The following CCDC178 variants were observed in gnomAD, a reference collection of about 807,000 sequenced individuals.
CCDC178 encodes coiled-coil domain containing 178.
In CCDC178, 126 loss-of-function variants were observed where a neutral mutation model predicts 117.4. That is an observed-to-expected ratio of 1.07 (90% confidence interval 0.93 to 1.24). CCDC178 has a LOEUF of 1.24. Among genes scored for constraint, CCDC178 ranks in the 50% most tolerant of loss-of-function variants. The probability of loss-of-function intolerance (pLI) is 0.00; values close to 1 mark genes in which losing one functional copy is unlikely to be tolerated. For missense variants in CCDC178, 1,030 were observed against 986.9 expected (o/e 1.04, Z -0.59); for synonymous variants, 283 against 313.4 (o/e 0.90, Z 1.02).
At chr18:33,094,510 A>G (rs1270662763) in intron 20 of CCDC178, among the ~76,000 whole-genome samples, 3 of 150,776 alleles carry the variant, frequency 2.0e-5, no homozygotes, top group African/African-American at 7.3e-5. Context: ...TCTAAGCACA[A>G]CTCTGATATC....
chr18:33,164,797 A>G (rs1247392351), intron 20 of CCDC178, among the ~76,000 whole-genome samples: 1 of 152,168 alleles, frequency 6.6e-6, no homozygotes, highest in Non-Finnish European at 1.5e-5. Flanking sequence ...ATTTTCAGAT[A>G]ATTGTGGATA....
In CCDC178 at chr18:33,415,466, C is replaced by G. The variant is rs535732925; in HGVS notation, c.-22-3356G>C. 3.9e-4 allele frequency among the ~76,000 whole-genome samples: 59 copies of G among 151,860 alleles called. 1 individual carries two copies. The highest frequency in any genetic ancestry group is 1.3e-3 in the African/African-American group (55 of 41,362). On this transcript the variant is annotated intron_variant, in intron 2 of 22. Transcript: ENST00000383096. The stretch of plus-strand genomic sequence containing the variant: ...TATCGCAAGGACAAAAAAACAAACA[C>G]CGCATGTTCTCACTCATAGGTGAGA...
At position 33,323,505 on chromosome 18, in the gene CCDC178, G is replaced by A; in HGVS notation, c.1008C>T (p.Thr336=). Residue 336 remains threonine (T), a synonymous_variant, in exon 11 of 23, where the codon ACC becomes ACT. Coordinates refer to ENST00000383096, the MANE Select transcript of CCDC178 (RefSeq NM_001105528.4). ...IDKDIYQDEK[T]IEAYKREIYQ... is the part of the protein sequence containing the mutation. ...AAAATTCTTACTTGTAGGCCTCTAT[G>A]GTTTTTTCATCCTGGTAAATATCCT... 1 of 1,519,730 alleles carries A rather than the reference G, an allele frequency of 6.6e-7. No individual in the cohort carries two copies. The highest frequency in any genetic ancestry group is 8.8e-7 in the Non-Finnish European group (1 of 1,136,380). 94.1% of individuals were successfully genotyped at this position (1,519,730 alleles called of 1,614,324 possible). A position where few individuals can be genotyped will look rare whatever the true frequency, so the allele number is the denominator to read the frequency against.
chr18:32,961,489 T>C (rs2054701916), intron 22 of CCDC178, among the ~76,000 whole-genome samples: 1 of 152,136 alleles, frequency 6.6e-6, no homozygotes, highest in Non-Finnish European at 1.5e-5. Context: ...TTTTGTAAAG[T>C]GTGTCACTTA....
At chr18:33,048,581 T>C (rs1336094262) in intron 21 of CCDC178, among the ~76,000 whole-genome samples, 1 of 152,180 alleles carries the variant, frequency 6.6e-6, no homozygotes, top group Admixed American at 6.5e-5. Flanking sequence ...AATTTACAGG[T>C]AGTTTTAGAC....
chr18:33,342,711 G>A (rs7243572), intron 9 of CCDC178, among the ~76,000 whole-genome samples: 11,089 of 152,150 alleles, frequency 0.073, 1,305 homozygotes, highest in African/African-American at 0.25. Context: ...TTGGATCTGC[G>A]GCCTGAAGAA....
At chr18:33,132,256 A>G (rs1291103432) in intron 20 of CCDC178, among the ~76,000 whole-genome samples, 2 of 151,768 alleles carry the variant, frequency 1.3e-5, no homozygotes, top group Non-Finnish European at 3.0e-5. Flanking sequence ...AGGTGAAATT[A>G]ATTCTCTGCA....
chr18:33,374,334 T>C (rs1253063291), intron 5 of CCDC178, among the ~76,000 whole-genome samples: 2 of 152,152 alleles, frequency 1.3e-5, no homozygotes, highest in African/African-American at 4.8e-5. Context: ...ACTTGGACTC[T>C]TCACAAAAGA....
intron 11 of CCDC178, among the ~76,000 whole-genome samples, chr18:33,303,091 A>G (rs1019562949): frequency 2.6e-5 from 4 of 152,244 alleles, no homozygotes; most frequent in African/African-American, 4.8e-5. Flanking sequence ...TGTATATATT[A>G]TGTGTATTAA....
chr18:32,985,326 C>A (rs1051012177), intron 21 of CCDC178, among the ~76,000 whole-genome samples: 1 of 151,846 alleles, frequency 6.6e-6, no homozygotes, highest in Non-Finnish European at 1.5e-5. Flanking sequence ...TCATGCAATG[C>A]GGGACAGCCT....
intron 20 of CCDC178, among the ~76,000 whole-genome samples, chr18:33,190,805 G>C (rs1278874100): frequency 6.6e-6 from 1 of 152,122 alleles, no homozygotes; most frequent in Non-Finnish European, 1.5e-5. Flanking sequence ...TGAAACATCA[G>C]CCAGAATCTT....
chr18:33,090,806 A>T lies in CCDC178; in HGVS notation c.2388+1955T>A, dbSNP rs138387313. ...AGGTGTGCTAAAAGTGATTCGTTTG[A>T]GGGATCACAAACATAAACCCAATCT... On this transcript the variant is annotated intron_variant, in intron 21 of 22. Coordinates refer to ENST00000383096, the MANE Select transcript of CCDC178 (RefSeq NM_001105528.4). Among the ~76,000 whole-genome samples the T allele has an allele frequency of 4.6e-5, 7 of 152,342 alleles. No individual in the cohort carries two copies. In the East Asian group the frequency reaches 1.4e-3, roughly 29 times the overall value.
At chr18:33,394,100 A>C (rs2063598747) in intron 4 of CCDC178, among the ~76,000 whole-genome samples, 1 of 152,012 alleles carries the variant, frequency 6.6e-6, no homozygotes, top group African/African-American at 2.4e-5. Context: ...ATTTCTTAGA[A>C]GTTTATAAAA....
chr18:33,187,754 T>C (rs139760419), intron 20 of CCDC178, among the ~76,000 whole-genome samples: 2 of 152,130 alleles, frequency 1.3e-5, no homozygotes, highest in South Asian at 2.1e-4. Context: ...CTTGAGCAGA[T>C]AGAAGAATCT....
chr18:32,960,295 A>G (rs1269800673), intron 22 of CCDC178, among the ~76,000 whole-genome samples: 2 of 152,126 alleles, frequency 1.3e-5, no homozygotes, highest in African/African-American at 4.8e-5. Context: ...GAATCAGAAA[A>G]CAGGTATCAT....
intron 14 of CCDC178, among the ~76,000 whole-genome samples, chr18:33,246,596 GGCTC>G (rs2059551956): frequency 6.6e-6 from 1 of 151,666 alleles, no homozygotes; most frequent in African/African-American, 2.4e-5. Context: ...GACATAGCTA[GGCTC>G]ACAAACAAGG....
chr18:33,173,620 T>G (rs1310882304), intron 20 of CCDC178, among the ~76,000 whole-genome samples: 2 of 152,234 alleles, frequency 1.3e-5, no homozygotes, highest in African/African-American at 2.4e-5. Context: ...TACTATGTTT[T>G]CTCCAAGTCT....
intron 20 of CCDC178, among the ~76,000 whole-genome samples, chr18:33,104,696 G>C (rs1019393251): frequency 1.1e-4 from 16 of 151,672 alleles, no homozygotes; most frequent in African/African-American, 3.9e-4. Context: ...AAACACTTCA[G>C]GTAGTACGAT....
chr18:33,431,300 C>T (rs1429641620), intron 2 of CCDC178, among the ~76,000 whole-genome samples: 1 of 148,448 alleles, frequency 6.7e-6, no homozygotes, highest in Non-Finnish European at 1.5e-5. Context: ...AAGAAAACTT[C>T]CTGCATACTA....
Sources: allele counts gnomAD v4.1 joint callset (sites outside exome capture counted in the v4.1 genomes callset), GRCh38; gene constraint gnomAD v4.1.1; transcripts MANE v1.5; gene names NCBI Gene and HGNC (gene_info 2026-07-23, HGNC 2026-07-21).